The following CCDC141 variants were observed in gnomAD, a reference collection of about 807,000 sequenced individuals.
CCDC141 encodes coiled-coil domain-containing protein 141.
A neutral mutation model predicts 181.0 loss-of-function variants in CCDC141; 168 were observed. The ratio of observed to expected loss-of-function variants is 0.93; its 90% CI spans 0.82 to 1.05. CCDC141 has a LOEUF of 1.05. Ranked by LOEUF, CCDC141 falls within the 50% of genes least tolerant of loss-of-function variation. The pLI is 0.00. For missense variants in CCDC141, 1,902 were observed against 1,788.5 expected (o/e 1.06, Z -1.14); for synonymous variants, 666 against 642.3 (o/e 1.04, Z -0.56).
chr2:178,989,616 AT>A (rs1575314029), intron 2 of CCDC141, among the ~76,000 whole-genome samples: 15 of 148,032 alleles, frequency 1.0e-4, no homozygotes, highest in East Asian at 8.1e-4. Context: ...AAATAAATAA[AT>A]AAATAAATAA....
intron 2 of CCDC141, among the ~76,000 whole-genome samples, chr2:178,989,411 T>A (rs1442521343): frequency 1.3e-5 from 2 of 151,700 alleles, no homozygotes; most frequent in East Asian, 3.9e-4. Context: ...CTGGCCAACA[T>A]GTTGAAACTC....
rs75294179 is a variant in CCDC141, at chr2:178,893,605, C to T, written c.1266-4937G>A. ...CTTGCTGCTTCTTTTAATGGGAACC[C>T]GAAGAGTGTCTTTTTATGTTTATGG... On this transcript the variant is annotated intron_variant, in intron 8 of 23. Transcript: ENST00000443758. 4.1e-4 allele frequency among the ~76,000 whole-genome samples: 63 copies of T among 152,066 alleles called. No homozygotes were observed. The East Asian group carries it at 0.011, about 28-fold the overall frequency.
chr2:178,858,418 T>A (rs960731631), intron 17 of CCDC141, among the ~76,000 whole-genome samples: 1 of 140,518 alleles, frequency 7.1e-6, no homozygotes, highest in Non-Finnish European at 1.5e-5. Flanking sequence ...TTGGCAGGAG[T>A]TTTTGCAACT....
intron 2 of CCDC141, among the ~76,000 whole-genome samples, chr2:179,000,055 TACACACACACACACACAC>T (rs67309651): frequency 1.6e-4 from 23 of 144,358 alleles, no homozygotes; most frequent in Non-Finnish European, 2.3e-4. Flanking sequence ...TTCATCACCA[TACACACACACACACACAC>T]ACACACACAC....
chr2:179,010,016 C>G (rs1205931838), intron 2 of CCDC141, among the ~76,000 whole-genome samples: 2 of 152,010 alleles, frequency 1.3e-5, no homozygotes, highest in African/African-American at 2.4e-5. Context: ...TCTGGAAAGT[C>G]ACAAAATAGA....
chr2:178,957,119 T>C (rs1036316375), intron 5 of CCDC141, among the ~76,000 whole-genome samples: 1 of 152,156 alleles, frequency 6.6e-6, no homozygotes, highest in Non-Finnish European at 1.5e-5. Flanking sequence ...GCAATCCACC[T>C]GCCTCGGCCT....
At chr2:178,906,044 G>GCATC (rs1687952556) in intron 7 of CCDC141, among the ~76,000 whole-genome samples, 2 of 152,056 alleles carry the variant, frequency 1.3e-5, no homozygotes, top group Admixed American at 6.6e-5. Flanking sequence ...TCCATCCAAG[G>GCATC]CATCCATCTG....
intron 17 of CCDC141, among the ~76,000 whole-genome samples, chr2:178,861,245 T>C (rs1007177500): frequency 5.9e-5 from 9 of 152,186 alleles, no homozygotes; most frequent in Middle Eastern, 3.4e-3. Flanking sequence ...CAGCTCACTG[T>C]AGCCTCAAAC....
intron 22 of CCDC141, among the ~76,000 whole-genome samples, chr2:178,841,045 G>A (rs1684696112): frequency 6.6e-6 from 1 of 152,088 alleles, no homozygotes; most frequent in South Asian, 2.1e-4. Context: ...TAAGGTGATT[G>A]TATTAGTTCA....
rs1691059297 is a variant in CCDC141, at chr2:178,975,062, G to A, written c.521C>T (p.Thr174Ile). 2.7e-6 allele frequency: 4 copies of A among 1,468,178 alleles called. No individual in the cohort carries two copies. Among genetic ancestry groups the A allele is most frequent in the African/African-American group, 1.4e-5 (1 of 71,772 alleles). 90.9% of individuals were successfully genotyped at this position (1,468,178 alleles called of 1,614,324 possible). A position where few individuals can be genotyped will look rare whatever the true frequency, so the allele number is the denominator to read the frequency against. ...KSLLQLHEHH[T>I]KELLERSLAL... ...GAAATAAACATATTTCTTGCCTTTA[G>A]TATGATGTTCATGAAGCTGAAGAAG... Residue 174 changes from threonine (T) to isoleucine (I), a missense_variant, in exon 4 of 24, where the codon ACT (threonine) becomes ATT (isoleucine). Coordinates refer to ENST00000443758, the MANE Select transcript of CCDC141 (RefSeq NM_173648.4).
At chr2:179,016,708 C>A (rs1371375555) in intron 2 of CCDC141, among the ~76,000 whole-genome samples, 2 of 151,974 alleles carry the variant, frequency 1.3e-5, no homozygotes, top group African/African-American at 4.8e-5. Context: ...AAACTTCTTT[C>A]TTTTTTTAAG....
chr2:178,950,334 T>A (rs929052283), intron 5 of CCDC141, among the ~76,000 whole-genome samples: 1 of 149,980 alleles, frequency 6.7e-6, no homozygotes, highest in South Asian at 2.1e-4. Context: ...GGGCTTTGGG[T>A]TTTTTTTTCT....
intron 11 of CCDC141, among the ~76,000 whole-genome samples, chr2:178,880,930 A>T (rs1223622680): frequency 6.6e-6 from 1 of 152,188 alleles, no homozygotes; most frequent in Non-Finnish European, 1.5e-5. Context: ...GCTGAGTTGG[A>T]GGAGTCTACA....
chr2:179,017,720 C>A (rs1440148735), intron 2 of CCDC141, among the ~76,000 whole-genome samples: 3 of 152,060 alleles, frequency 2.0e-5, no homozygotes, highest in Non-Finnish European at 4.4e-5. Context: ...AGGGCAGTTA[C>A]CAAATAAAGC....
In CCDC141 at chr2:178,845,652, T is replaced by C; in HGVS notation, c.3448A>G (p.Thr1150Ala). 1.2e-6 allele frequency: 2 copies of C among 1,603,360 alleles called. No homozygotes were observed. The highest frequency in any genetic ancestry group is 1.7e-6 in the Non-Finnish European group (2 of 1,170,404). ...LLKEPAKNKQ[T>A]IFNEERNKGQ... ...TTATTCCTTTCTTCATTGAATATTG[T>C]CTGCTTATTTTTTGCTGGTTCCTTT... is the stretch of plus-strand genomic sequence containing the variant. The change falls in exon 22 of 24, where the codon ACA (threonine) becomes GCA (alanine). Residue 1150 changes from threonine (T) to alanine (A), a missense_variant. By Grantham distance (58) the Thr-to-Ala change is moderately conservative (BLOSUM62 0). Transcript: ENST00000443758.
At chr2:178,824,077 C>CACACACACAT in the CCDC141 span, among the ~76,000 whole-genome samples, 2 of 151,932 alleles carry the variant, frequency 1.3e-5, no homozygotes, top group Admixed American at 6.6e-5. Context: ...CACACACACA[C>CACACACACAT]ACACACACAC....
At chr2:178,889,650 G>A (rs963404049) in intron 8 of CCDC141, among the ~76,000 whole-genome samples, 1 of 152,038 alleles carries the variant, frequency 6.6e-6, no homozygotes, top group Non-Finnish European at 1.5e-5. Flanking sequence ...CTAAATGACC[G>A]AGAGGTAAAG....
intron 9 of CCDC141, 146 bp downstream of exon 9, chr2:178,888,381 G>A: frequency 1.4e-6 from 1 of 722,810 alleles, no homozygotes; most frequent in Non-Finnish European, 2.3e-6. Context: ...TTACAACTCT[G>A]TTTAGTTCAA....
chr2:178,821,600 C>T, the CCDC141 span, among the ~76,000 whole-genome samples: 1 of 152,162 alleles, frequency 6.6e-6, no homozygotes, highest in African/African-American at 2.4e-5. Flanking sequence ...GGCCTAAATC[C>T]TCAGAGTTCT....
Sources: gnomAD v4.1 joint callset for allele counts (sites outside exome capture counted in the v4.1 genomes callset) on GRCh38, gnomAD v4.1.1 for gene constraint, MANE v1.5 for transcripts, NCBI Gene and HGNC (gene_info 2026-07-23, HGNC 2026-07-21) for gene names.